HOMER2: variants seen among roughly 807,000 people sequenced by gnomAD.
HOMER2 encodes homer protein homolog 2.
Under a neutral mutation model 47.0 loss-of-function variants are expected in HOMER2, and 27 were observed. That is an observed-to-expected ratio of 0.57 (90% CI 0.42 to 0.79). The LOEUF is 0.79. HOMER2 is among the 30% of genes least tolerant of loss of function. The probability of loss-of-function intolerance (pLI) is 0.00; values close to 1 mark genes in which losing one functional copy is unlikely to be tolerated. For synonymous variants in HOMER2, 161 were observed against 163.8 expected (o/e 0.98, Z 0.13); for missense variants, 443 against 435.0 (o/e 1.02, Z -0.16).
At chr15:82,921,057 G>A (rs1036636861) in intron 1 of HOMER2, among the ~76,000 whole-genome samples, 3 of 152,118 alleles carry the variant, frequency 2.0e-5, no homozygotes, top group Non-Finnish European at 1.5e-5. Context: ...CACTTTGGGA[G>A]GCCAAGGTGG....
chr15:82,870,682 G>A (rs2052146886), intron 3 of HOMER2, among the ~76,000 whole-genome samples: 1 of 152,152 alleles, frequency 6.6e-6, no homozygotes, highest in African/African-American at 2.4e-5. Context: ...AACATTAGCT[G>A]TTAAATCAGG....
chr15:82,904,677 T>A (rs1600568), intron 1 of HOMER2, among the ~76,000 whole-genome samples: 12 of 152,152 alleles, frequency 7.9e-5, no homozygotes. Context: ...CCTGTCCTAC[T>A]TAAGCGGAGA....
chr15:82,855,649 G>A (rs1365830710), intron 5 of HOMER2, among the ~76,000 whole-genome samples: 1 of 152,230 alleles, frequency 6.6e-6, no homozygotes, highest in Non-Finnish European at 1.5e-5. Flanking sequence ...GGAGACAGGA[G>A]AGAGTGACCA....
intron 5 of HOMER2, among the ~76,000 whole-genome samples, chr15:82,858,030 G>A (rs2051644869): frequency 6.6e-6 from 1 of 152,088 alleles, no homozygotes; most frequent in South Asian, 2.1e-4. Context: ...AAGGCTTTTT[G>A]CCACTTCCCA....
At chr15:82,864,302 TC>T (rs753439072) in intron 3 of HOMER2, 43 bp from the exon 4 acceptor site, 5 of 1,371,042 alleles carry the variant, frequency 3.6e-6, no homozygotes, top group Non-Finnish European at 5.2e-6. Context: ...TTAACCTCAC[TC>T]ATGGCTGGTA....
At chr15:82,945,594 T>C (rs2054357912) in intron 1 of HOMER2, among the ~76,000 whole-genome samples, 2 of 152,158 alleles carry the variant, frequency 1.3e-5, no homozygotes, top group African/African-American at 4.8e-5. Context: ...TGCTGTTATT[T>C]TTCAGTATAA....
exon 2 of HOMER2, chr15:82,843,249 C>T (rs1355133942): frequency 6.6e-6 from 1 of 151,796 alleles, no homozygotes; most frequent in Non-Finnish European, 1.5e-5. Flanking sequence ...CGAGACCAGC[C>T]TAGGCAACAT....
At chr15:82,981,132 CT>C (rs1203009781) in intron 1 of HOMER2, among the ~76,000 whole-genome samples, 8 of 152,196 alleles carry the variant, frequency 5.3e-5, no homozygotes. Flanking sequence ...AGAGGATGCA[CT>C]GGCCAAAGAC....
intron 1 of HOMER2, among the ~76,000 whole-genome samples, chr15:82,970,917 G>A (rs1440583287): frequency 6.6e-6 from 1 of 152,172 alleles, no homozygotes; most frequent in Admixed American, 6.5e-5. Context: ...ATTCCCTTTG[G>A]CAGATATTTG....
At chr15:82,867,366 G>GGAA (rs2052006993) in intron 3 of HOMER2, among the ~76,000 whole-genome samples, 1 of 101,848 alleles carries the variant, frequency 9.8e-6, no homozygotes, top group Admixed American at 9.7e-5. Flanking sequence ...GAATATAAAA[G>GGAA]GAAAAAAAAA....
At chr15:82,858,764 C>T (rs1182690432) in intron 5 of HOMER2, among the ~76,000 whole-genome samples, 1 of 152,050 alleles carries the variant, frequency 6.6e-6, no homozygotes, top group Non-Finnish European at 1.5e-5. Context: ...TGCCCTCTCT[C>T]CACACATTTA....
chr15:82,946,444 T>C (rs2054384025), intron 1 of HOMER2, among the ~76,000 whole-genome samples: 1 of 152,192 alleles, frequency 6.6e-6, no homozygotes, highest in South Asian at 2.1e-4. Flanking sequence ...CTAGCTTCCT[T>C]ACTATTTCTT....
chr15:82,843,809 C>A (rs951989862), exon 2 of HOMER2: 5 of 152,074 alleles, frequency 3.3e-5, no homozygotes, highest in African/African-American at 1.2e-4. Context: ...TTCTGGAAGG[C>A]AATTTGAGGC....
At chr15:82,844,395 G>A (rs2051211320), downstream of HOMER2, 1 of 152,062 alleles carries the variant, frequency 6.6e-6, no homozygotes, top group African/African-American at 2.4e-5. Context: ...AAGTATCCAA[G>A]GTACAACCTA....
At chr15:82,891,944 A>T (rs759544905) in intron 2 of HOMER2, among the ~76,000 whole-genome samples, 1 of 152,170 alleles carries the variant, frequency 6.6e-6, no homozygotes, top group Non-Finnish European at 1.5e-5. Context: ...CCATGTAAAA[A>T]ATGTACAGCA....
chr15:82,945,906 G>C (rs1214507444), intron 1 of HOMER2, among the ~76,000 whole-genome samples: 1 of 151,934 alleles, frequency 6.6e-6, no homozygotes, highest in Non-Finnish European at 1.5e-5. Context: ...AGAGGCGGAG[G>C]TTGCAGTGAG....
chr15:82,916,867 T>C (rs1596351839), intron 1 of HOMER2, among the ~76,000 whole-genome samples: 1 of 151,732 alleles, frequency 6.6e-6, no homozygotes, highest in Non-Finnish European at 1.5e-5. Context: ...AATGGCGCGA[T>C]CTCGGGTTAC....
At chr15:82,890,010 G>T (rs2052656949) in intron 2 of HOMER2, among the ~76,000 whole-genome samples, 1 of 152,168 alleles carries the variant, frequency 6.6e-6, no homozygotes, top group East Asian at 1.9e-4. Flanking sequence ...GCAGAAGGAG[G>T]CTCTGTCATG....
chr15:82,888,769 C>A lies in HOMER2; in HGVS notation c.162+3916G>T, dbSNP rs1441730998. Among the ~76,000 whole-genome samples, 2 of 83,346 alleles carry A rather than the reference C, an allele frequency of 2.4e-5. 1 individual carries two copies. Among genetic ancestry groups the A allele is most frequent in the African/African-American group, 1.2e-4 (2 of 17,112 alleles). The allele number at this position is 83,346 out of a possible 152,430, so 54.7% of individuals were successfully genotyped here. On this transcript the variant is annotated intron_variant, in intron 2 of 8. Transcript: ENST00000450735. ...TGCTTCAGCTCGCGCACGGTGCGCA[C>A]ACACACTGGCCTGCGCCCACTGTCT...
Sources: gnomAD v4.1 joint callset for allele counts (sites outside exome capture counted in the v4.1 genomes callset) on GRCh38, gnomAD v4.1.1 for gene constraint, MANE v1.5 for transcripts, NCBI Gene and HGNC (gene_info 2026-07-23, HGNC 2026-07-21) for gene names.